The following ANKRD55 variants were observed in gnomAD, a reference collection of about 807,000 sequenced individuals.
ANKRD55 encodes the protein ankyrin repeat domain 55, also known as ankyrin repeat domain-containing protein 55.
In ANKRD55, 41 loss-of-function variants were observed where a neutral mutation model predicts 60.6. The ratio of observed to expected loss-of-function variants is 0.68; its 90% CI spans 0.53 to 0.88. The LOEUF (loss-of-function observed/expected upper bound fraction) is 0.88. Among genes scored for constraint, ANKRD55 ranks in the 40% least tolerant of loss-of-function variants. ANKRD55 has a pLI of 0.00. For synonymous variants in ANKRD55, 264 were observed against 290.3 expected (o/e 0.91, Z 0.92); for missense variants, 732 against 767.6 (o/e 0.95, Z 0.55).
At chr5:56,218,097 C>A (rs930557338) in intron 2 of ANKRD55, among the ~76,000 whole-genome samples, 2 of 152,074 alleles carry the variant, frequency 1.3e-5, no homozygotes, top group African/African-American at 4.8e-5. Flanking sequence ...CATGATAAAC[C>A]TTGAATGGAT....
Position 56,116,700 on chromosome 5 carries a change from G to A in ANKRD55, c.880C>T (p.Arg294Trp), listed in dbSNP as rs749372592. 3.0e-5 allele frequency: 48 copies of A among 1,613,808 alleles called. No homozygotes were observed. Among genetic ancestry groups the A allele is most frequent in the East Asian group, 2.9e-4 (13 of 44,850 alleles). ...AAGGGCGTGCTCTCATTGATGTCCCGCAGGTTGCTGTCCATTCCCAACTCC... is the reference window on the plus strand; with the variant it reads ...AAGGGCGTGCTCTCATTGATGTCCCACAGGTTGCTGTCCATTCCCAACTCC... ...LLELGMDSNL[R>W]DINESTPLAY... Residue 294 changes from arginine to tryptophan, a missense_variant, in exon 9 of 12, where the codon CGG (arginine) becomes TGG (tryptophan). Arg to Trp is a moderately radical substitution (Grantham distance 101). Around this residue, in one of 3 missense-constraint regions of ANKRD55, gnomAD observed 597 missense variants for 607.5 expected, o/e 0.98. Transcript: ENST00000341048.
chr5:56,124,916 A>C (rs1757195113), intron 8 of ANKRD55, among the ~76,000 whole-genome samples: 2 of 152,200 alleles, frequency 1.3e-5, no homozygotes, highest in African/African-American at 2.4e-5. Context: ...TGATCAGTAC[A>C]TGAGGCCTCT....
chr5:56,164,662 C>T (rs879337927), intron 5 of ANKRD55, among the ~76,000 whole-genome samples: 14 of 152,156 alleles, frequency 9.2e-5, no homozygotes, highest in Non-Finnish European at 1.8e-4. Flanking sequence ...CAACTCTGTT[C>T]TCTTTGGAGC....
At chr5:56,139,375 G>A (rs1304669722) in intron 7 of ANKRD55, among the ~76,000 whole-genome samples, 4 of 152,184 alleles carry the variant, frequency 2.6e-5, no homozygotes, top group Non-Finnish European at 2.9e-5. Context: ...GTCTAGAAGG[G>A]AAGACACAGG....
intron 2 of ANKRD55, among the ~76,000 whole-genome samples, chr5:56,228,223 C>G (rs1760166760): frequency 6.6e-6 from 1 of 152,096 alleles, no homozygotes; most frequent in African/African-American, 2.4e-5. Flanking sequence ...CCTGGATTAT[C>G]TGGGTGGTCC....
chr5:56,168,031 C>T (rs1261637793), intron 5 of ANKRD55, among the ~76,000 whole-genome samples: 2 of 152,192 alleles, frequency 1.3e-5, no homozygotes, highest in East Asian at 3.8e-4. Flanking sequence ...CACCAAAATC[C>T]ATGTTCCCCT....
intron 3 of ANKRD55, among the ~76,000 whole-genome samples, chr5:56,181,314 C>T (rs183683030): frequency 3.5e-4 from 53 of 152,258 alleles, no homozygotes; most frequent in Admixed American, 3.1e-3. Flanking sequence ...AAACTTTCAC[C>T]GTTAAGTAAA....
chr5:56,134,580 C>CA (rs56053693), intron 7 of ANKRD55, among the ~76,000 whole-genome samples: 106 of 109,556 alleles, frequency 9.7e-4, no homozygotes, highest in East Asian at 9.4e-3. Flanking sequence ...GACTCTGTCT[C>CA]AAAAAAAAAA....
At chr5:56,211,700 T>C (rs1759678309) in intron 2 of ANKRD55, among the ~76,000 whole-genome samples, 1 of 152,218 alleles carries the variant, frequency 6.6e-6, no homozygotes, top group Non-Finnish European at 1.5e-5. Flanking sequence ...TCTCACTGAC[T>C]CACGGCAGCT....
At chr5:56,184,441 A>T (rs924448803) in intron 2 of ANKRD55, among the ~76,000 whole-genome samples, 3 of 152,180 alleles carry the variant, frequency 2.0e-5, no homozygotes, top group African/African-American at 7.2e-5. Flanking sequence ...GCCCTGCGTC[A>T]TCTCTGCAAG....
At chr5:56,149,999 G>T (rs116283502) in intron 6 of ANKRD55, among the ~76,000 whole-genome samples, 1,923 of 151,950 alleles carry the variant, frequency 0.013, 53 homozygotes, top group African/African-American at 0.043. Context: ...GAGCCACCAC[G>T]CCCGTTGAAT....
At chr5:56,171,330 C>G (rs1758607957) in intron 4 of ANKRD55, among the ~76,000 whole-genome samples, 1 of 152,186 alleles carries the variant, frequency 6.6e-6, no homozygotes, top group Admixed American at 6.5e-5. Flanking sequence ...CCAAAGGTTT[C>G]CCATTGCTAT....
intron 7 of ANKRD55, among the ~76,000 whole-genome samples, chr5:56,141,092 T>G (rs1362726119): frequency 1.3e-5 from 2 of 149,576 alleles, no homozygotes; most frequent in Non-Finnish European, 3.0e-5. Context: ...TATATATATG[T>G]GTGTGTGTGT....
At position 56,183,492 on chromosome 5, in the gene ANKRD55, A is replaced by C. The variant is rs748156833; in HGVS notation, c.181+20T>G. ...AAATAGAGCAGAACATTCTGGATTC[A>C]AAATGCATACATATCTCACCTTCAC... On this transcript the variant is annotated intron_variant, in intron 3 of 11. Coordinates refer to ENST00000341048, the MANE Select transcript of ANKRD55 (RefSeq NM_024669.3). The C allele has an allele frequency of 6.2e-7, 1 of 1,613,082 alleles. No homozygotes were observed.
chr5:56,162,764 G>C (rs1758364423), intron 5 of ANKRD55, among the ~76,000 whole-genome samples: 1 of 151,602 alleles, frequency 6.6e-6, no homozygotes, highest in African/African-American at 2.4e-5. Flanking sequence ...GGACTTCCTG[G>C]GCTGAAGCGA....
intron 10 of ANKRD55, among the ~76,000 whole-genome samples, chr5:56,104,826 G>A (rs1336088681): frequency 1.3e-5 from 2 of 152,088 alleles, no homozygotes; most frequent in African/African-American, 4.8e-5. Context: ...TGGTTTTGAA[G>A]CTCCATGAGT....
rs1554040774 is a variant in ANKRD55, at chr5:56,166,086, T to TTTTTCTTTCTTTC, written c.422+4607_422+4608insGAAAGAAAGAAAA. Among the ~76,000 whole-genome samples the TTTTTCTTTCTTTC allele has an allele frequency of 6.4e-3, 584 of 91,858 alleles. 13 individuals carry two copies. The highest frequency in any genetic ancestry group is 0.033 in the East Asian group (98 of 2,932). 60.3% of individuals were successfully genotyped at this position (91,858 alleles called of 152,430 possible). Reference sequence around the variant, plus strand: ...CACCCTTCAGGGATCTTTCTTTTCTTTTTCTTTCTTTCTTTCTTTCTTTCT... The same window carrying TTTTTCTTTCTTTC: ...CACCCTTCAGGGATCTTTCTTTTCTTTTTTCTTTCTTTCTTTCTTTCTTTCTTTCTTTCTTTCT... On this transcript the variant is annotated intron_variant, in intron 5 of 11. Coordinates refer to ENST00000341048, the MANE Select transcript of ANKRD55 (RefSeq NM_024669.3).
At chr5:56,209,802 T>C (rs1172658122) in intron 2 of ANKRD55, among the ~76,000 whole-genome samples, 2 of 152,210 alleles carry the variant, frequency 1.3e-5, no homozygotes, top group African/African-American at 4.8e-5. Context: ...ATTATTTCCT[T>C]TGGACACATT....
chr5:56,161,019 G>A (rs968442008), intron 5 of ANKRD55: 5 of 152,212 alleles, frequency 3.3e-5, no homozygotes, highest in African/African-American at 1.2e-4. Flanking sequence ...ACACAGCTCA[G>A]TGTGAGGATT....
Sources: allele counts gnomAD v4.1 joint callset (sites outside exome capture counted in the v4.1 genomes callset), GRCh38; gene constraint gnomAD v4.1.1; regional missense constraint gnomAD v4.1.1; transcripts MANE v1.5; gene names NCBI Gene and HGNC (gene_info 2026-07-23, HGNC 2026-07-21).